Variants in DLL3 observed in about 807,000 individuals in gnomAD.
DLL3 encodes the protein delta-like protein 3.
A neutral mutation model predicts 55.0 loss-of-function variants in DLL3; 49 were observed. The ratio of observed to expected loss-of-function variants is 0.89; its 90% CI spans 0.71 to 1.13. The LOEUF (loss-of-function observed/expected upper bound fraction) is 1.13, where lower values mean the gene tolerates loss of function less well. DLL3 is among the 50% of genes most tolerant of loss of function. The probability of loss-of-function intolerance (pLI) is 0.00; values close to 1 mark genes in which losing one functional copy is unlikely to be tolerated. For missense variants in DLL3, 962 were observed against 875.5 expected (o/e 1.10, Z -1.25); for synonymous variants, 421 against 385.2 (o/e 1.09, Z -1.09).
chr19:39,507,524 C>A lies in DLL3; in HGVS notation c.1579C>A (p.Arg527Ser). The change falls in exon 7 of 9, where the codon CGC becomes AGC. Residue 527 changes from arginine (R) to serine (S), a missense_variant. Coordinates refer to ENST00000356433, the MANE Select transcript of DLL3 (RefSeq NM_203486.3). ...TGGCCACTCCCAGGATGCTGGGTCTCGCTTGCTGGCTGGGACCCCGGAGCC... is the reference window on the plus strand; with the variant it reads ...TGGCCACTCCCAGGATGCTGGGTCTAGCTTGCTGGCTGGGACCCCGGAGCC... ...RRGHSQDAGS[R>S]LLAGTPEPSV... 6.2e-7 allele frequency: 1 copy of A among 1,603,688 alleles called. No individual in the cohort carries two copies. The highest frequency in any genetic ancestry group is 2.3e-5 in the East Asian group (1 of 44,218).
chr19:39,502,656 G>A (rs918328910), intron 3 of DLL3, among the ~76,000 whole-genome samples, 159 bp from the exon 4 acceptor site: 1 of 152,174 alleles, frequency 6.6e-6, no homozygotes, highest in Non-Finnish European at 1.5e-5. Flanking sequence ...AAAGTAGAGG[G>A]TGACTGCCAT....
At chr19:39,505,171 G>A (rs1486422994) in intron 5 of DLL3, 58 bp from the exon 6 acceptor site, 7 of 1,569,538 alleles carry the variant, frequency 4.5e-6, no homozygotes, top group Non-Finnish European at 6.1e-6. Flanking sequence ...GACTGAGGAG[G>A]GGGATGGGAT....
At chr19:39,506,256 A>G (rs997701149) in intron 6 of DLL3, among the ~76,000 whole-genome samples, 1 of 142,878 alleles carries the variant, frequency 7.0e-6, no homozygotes, top group Non-Finnish European at 1.5e-5. Flanking sequence ...AAGTAAGATC[A>G]TGAATGTAGG....
Position 39,507,552 on chromosome 19 carries a change from C to T in DLL3, c.1607C>T (p.Ser536Leu), listed in dbSNP as rs1397939924. ...TTGCTGGCTGGGACCCCGGAGCCGT[C>T]AGTCCACGCACTCCCGGATGCACTC... is the stretch of plus-strand genomic sequence containing the variant. Reference protein sequence around the residue: ...SRLLAGTPEPSVHALPDALNN... With the variant: ...SRLLAGTPEPLVHALPDALNN... The change falls in exon 7 of 9, where the codon TCA becomes TTA. Residue 536 changes from serine to leucine, a missense_variant. Ser to Leu is a moderately radical substitution (Grantham distance 145). Coordinates refer to ENST00000356433, the MANE Select transcript of DLL3 (RefSeq NM_203486.3). The T allele has an allele frequency of 1.2e-6, 2 of 1,607,638 alleles. No individual in the cohort carries two copies. The highest frequency in any genetic ancestry group is 1.7e-6 in the Non-Finnish European group (2 of 1,177,710).
In DLL3 at chr19:39,503,045, T is replaced by A; in HGVS notation, c.640T>A (p.Cys214Ser). 1 of 1,522,164 alleles carries A rather than the reference T, an allele frequency of 6.6e-7. No individual in the cohort carries two copies. Among genetic ancestry groups the A allele is most frequent in the Non-Finnish European group, 8.8e-7 (1 of 1,141,490 alleles). 94.3% of individuals were successfully genotyped at this position (1,522,164 alleles called of 1,614,324 possible). The part of the protein sequence containing the change: ...LRPCAPLEDE[C>S]EAPLVCRAGC... ...CCCCTGCGCACCGCTCGAGGACGAA[T>A]GTGAGGCGCCGCGTGAGTCCTGCGT... The change falls in exon 4 of 9, where the codon TGT becomes AGT. Residue 214 changes from cysteine (C) to serine (S), a missense_variant. By Grantham distance (112) the Cys-to-Ser change is moderately radical. Transcript: ENST00000356433.
Position 39,507,275 on chromosome 19 carries a change from T to C in DLL3, c.1330T>C (p.Cys444Arg). ...GCGCCCCTGTGCTCACGGCGGCCGC[T>C]GCTACGCCCACTTCTCCGGCCTCGT... ...AARPCAHGGR[C>R]YAHFSGLVCA... is the part of the protein sequence containing the mutation. Residue 444 changes from cysteine (C) to arginine (R), a missense_variant, in exon 7 of 9, where the codon TGC becomes CGC. Transcript: ENST00000356433. 1 of 1,535,604 alleles carries C rather than the reference T, an allele frequency of 6.5e-7. No homozygotes were observed. Among genetic ancestry groups the C allele is most frequent in the Non-Finnish European group, 8.7e-7 (1 of 1,147,648 alleles).
intron 3 of DLL3, among the ~76,000 whole-genome samples, chr19:39,501,300 C>T (rs2079608537): frequency 6.6e-6 from 1 of 152,048 alleles, no homozygotes; most frequent in Non-Finnish European, 1.5e-5. Flanking sequence ...CACGCTCGGC[C>T]CCTATGTGAA....
At chr19:39,503,198 C>T in intron 4 of DLL3, 141 bp downstream of exon 4, 1 of 908,448 alleles carries the variant, frequency 1.1e-6, no homozygotes, top group Non-Finnish European at 1.5e-6. Flanking sequence ...GTACCCCAGG[C>T]ACCCCTCTTC....
rs755250115 is a variant in DLL3 at position 39,505,429 on chromosome 19, C to T, written c.1071C>T (p.Cys357=). ...GSNCEKRVDR[C]SLQPCRNGGL... The stretch of plus-strand genomic sequence containing the variant: ...ACTGTGAGAAGAGGGTGGACCGGTG[C>T]AGCCTGCAGCCATGCCGCAATGGTG... Residue 357 remains cysteine (C), a synonymous_variant, in exon 6 of 9, where the codon TGC becomes TGT. Coordinates refer to ENST00000356433, the MANE Select transcript of DLL3 (RefSeq NM_203486.3). The T allele has an allele frequency of 1.2e-6, 2 of 1,614,038 alleles. No homozygotes were observed. The highest frequency in any genetic ancestry group is 1.7e-6 in the Non-Finnish European group (2 of 1,180,004).
intron 2 of DLL3, 63 bp from the exon 3 acceptor site, chr19:39,500,552 A>G: frequency 6.8e-7 from 1 of 1,479,538 alleles, no homozygotes; most frequent in Non-Finnish European, 9.4e-7. Context: ...TCTGGCCTTC[A>G]TTGAGTACTT....
intron 3 of DLL3, among the ~76,000 whole-genome samples, chr19:39,502,207 A>ACC (rs1022677583): frequency 6.6e-6 from 1 of 151,550 alleles, no homozygotes; most frequent in Non-Finnish European, 1.5e-5. Context: ...CAAAAAAAAA[A>ACC]CAAATATCTG....
intron 6 of DLL3, among the ~76,000 whole-genome samples, chr19:39,506,360 C>G (rs1197229953): frequency 6.7e-6 from 1 of 149,574 alleles, no homozygotes; most frequent in Non-Finnish European, 1.5e-5. Context: ...GAGCGAGACT[C>G]CGTTTCGAAA....
chr19:39,500,715 AC>A, intron 3 of DLL3, 43 bp downstream of exon 3: 1 of 1,548,878 alleles, frequency 6.5e-7, no homozygotes, highest in South Asian at 1.1e-5. Context: ...GCTGGGGCCC[AC>A]GTGAGACACG....
intron 4 of DLL3, 100 bp downstream of exon 4, chr19:39,503,157 C>G: frequency 1.3e-5 from 17 of 1,318,980 alleles, no homozygotes; most frequent in Non-Finnish European, 1.6e-5. Context: ...CCCACTCACC[C>G]TCTTCAGGGT....
Position 39,505,261 on chromosome 19 carries a change from G to T in DLL3, c.903G>T (p.Pro301=), listed in dbSNP as rs148016836. 1.9e-6 allele frequency: 3 copies of T among 1,614,174 alleles called. No homozygotes were observed. The highest frequency in any genetic ancestry group is 1.7e-5 in the Admixed American group (1 of 60,022). ...CCAGGTCCTTTGAATGCACCTGCCC[G>T]CGTGGGTTCTACGGGCTGCGGTGTG... is the stretch of plus-strand genomic sequence containing the variant. ...ETPRSFECTC[P]RGFYGLRCEV... Residue 301 remains proline (P), a synonymous_variant, in exon 6 of 9, where the codon CCG becomes CCT. Transcript: ENST00000356433.
rs750965859 is a variant in DLL3 at position 39,499,409 on chromosome 19, C to G, written c.287C>G (p.Ala96Gly). ...RGPVYTEQPG[A>G]PAPDLPLPDG... ...CCGGTCTACACCGAGCAGCCCGGAG[C>G]GCCCGCGCCTGATCTCCCACTGCCC... The change falls in exon 2 of 9, where the codon GCG (alanine) becomes GGG (glycine). Residue 96 changes from alanine (A) to glycine (G), a missense_variant. Physicochemically the swap from Ala to Gly is moderately conservative, Grantham distance 60. Coordinates refer to ENST00000356433, the MANE Select transcript of DLL3 (RefSeq NM_203486.3). 6.3e-7 allele frequency: 1 copy of G among 1,585,108 alleles called. No homozygotes were observed. The highest frequency in any genetic ancestry group is 1.3e-5 in the African/African-American group (1 of 74,582).
chr19:39,500,422 C>CG (rs199863179), intron 2 of DLL3, among the ~76,000 whole-genome samples, 193 bp from the exon 3 acceptor site: 1 of 83,968 alleles, frequency 1.2e-5, no homozygotes, highest in Non-Finnish European at 2.4e-5. Context: ...TGAGATTCTC[C>CG]CCCCCCCCCC....
Position 39,507,028 on chromosome 19 carries a change from C to T in DLL3, c.1094-11C>T. The T allele has an allele frequency of 6.5e-7, 1 of 1,533,886 alleles. No homozygotes were observed. The highest frequency in any genetic ancestry group is 2.4e-5 in the East Asian group (1 of 40,958). ...CCCGGACTGCGCCCTCTGATGCTCC[C>T]TTCCCCACAGGCGGACTCTGCCTGG... On this transcript the variant is annotated splice_polypyrimidine_tract_variant and intron_variant, in intron 6 of 8. Coordinates refer to ENST00000356433, the MANE Select transcript of DLL3 (RefSeq NM_203486.3).
intron 7 of DLL3, 66 bp downstream of exon 7, chr19:39,507,684 A>T: frequency 6.3e-7 from 1 of 1,587,056 alleles, no homozygotes. Context: ...TCCGTGGTGC[A>T]GTTGGCCCGA....
Sources: allele counts gnomAD v4.1 joint callset (sites outside exome capture counted in the v4.1 genomes callset), GRCh38; gene constraint gnomAD v4.1.1; transcripts MANE v1.5; gene names NCBI Gene and HGNC (gene_info 2026-07-23, HGNC 2026-07-21).